ITIH4: variants seen among roughly 807,000 people sequenced by gnomAD.
ITIH4 encodes inter-alpha-trypsin inhibitor heavy chain H4.
A neutral mutation model predicts 111.8 loss-of-function variants in ITIH4; 79 were observed. The ratio of observed to expected loss-of-function variants is 0.71; its 90% CI spans 0.59 to 0.85. The LOEUF is 0.85. Ranked by LOEUF, ITIH4 falls within the 40% of genes least tolerant of loss-of-function variation. The pLI, the probability that ITIH4 is intolerant of heterozygous loss-of-function variation, is 0.00. For missense variants in ITIH4, 1,065 were observed against 1,195.8 expected (o/e 0.89, Z 1.61); for synonymous variants, 472 against 468.3 (o/e 1.01, Z -0.10).
Position 52,822,711 on chromosome 3 carries a change from A to G in ITIH4, c.1539+845T>C, listed in dbSNP as rs118013309. On this transcript the variant is annotated intron_variant, in intron 11 of 23. Coordinates refer to ENST00000266041, the MANE Select transcript of ITIH4 (RefSeq NM_002218.5). ...GGCCACGCAGACCGTACCAACAGTC[A>G]TGACACTTGGGGACTTGTCCTGAAA... Among the ~76,000 whole-genome samples the G allele has an allele frequency of 7.7e-3, 1,178 of 152,308 alleles. 118 individuals carry two copies. The South Asian group carries it at 0.21, about 27-fold the overall frequency.
chr3:52,815,246 C>CTTT (rs59772931), intron 21 of ITIH4, among the ~76,000 whole-genome samples: 2 of 139,120 alleles, frequency 1.4e-5, no homozygotes, highest in Non-Finnish European at 1.5e-5. Flanking sequence ...TTTCTTTTTT[C>CTTT]TTTTTTTTTT....
In ITIH4 at chr3:52,818,462, C is replaced by T; in HGVS notation, c.2152G>A (p.Glu718Lys). The change falls in exon 18 of 24, where the codon GAA becomes AAA. Residue 718 changes from glutamate to lysine, a missense_variant and splice_region_variant. Physicochemically the swap from Glu to Lys is moderately conservative, Grantham distance 56 (BLOSUM62 1). Coordinates refer to ENST00000266041, the MANE Select transcript of ITIH4 (RefSeq NM_002218.5). ...ACAGGGCCTCTGGCCTTGGGGGCAC[C>T]TTCGATTTTCATATTCATGACACGA... is the stretch of plus-strand genomic sequence containing the variant. Reference protein sequence around the residue: ...VSRVMNMKIEETTMTTQTPAP... With the variant: ...VSRVMNMKIEKTTMTTQTPAP... The T allele has an allele frequency of 1.2e-6, 2 of 1,600,176 alleles. No homozygotes were observed. Among genetic ancestry groups the T allele is most frequent in the South Asian group, 2.2e-5 (2 of 89,014 alleles).
chr3:52,827,568 CA>C (rs752377925), intron 2 of ITIH4, among the ~76,000 whole-genome samples: 4 of 152,222 alleles, frequency 2.6e-5, no homozygotes, highest in African/African-American at 4.8e-5. Flanking sequence ...CGGACTGTTC[CA>C]GGGGAACTAG....
At chr3:52,825,080 G>A (rs1335177024) in intron 6 of ITIH4, 122 bp from the exon 7 acceptor site, 1 of 614,506 alleles carries the variant, frequency 1.6e-6, no homozygotes, top group Non-Finnish European at 2.8e-6. Context: ...CCATCCCACT[G>A]CTAACCTCCC....
chr3:52,827,313 T>A (rs1700499607), intron 2 of ITIH4, 116 bp from the exon 3 acceptor site: 1 of 820,726 alleles, frequency 1.2e-6, no homozygotes, highest in Non-Finnish European at 2.1e-6. Flanking sequence ...GTGACTCCCA[T>A]CTTTGCCTGA....
chr3:52,818,251 A>G lies in ITIH4; in HGVS notation c.2179+6T>C. On this transcript the variant is annotated splice_donor_region_variant and intron_variant, in intron 19 of 23. Coordinates refer to ENST00000266041, the MANE Select transcript of ITIH4 (RefSeq NM_002218.5). The stretch of plus-strand genomic sequence containing the variant: ...TGGAAAGGGGCCAAGGGGGCTGGGA[A>G]CTTACCTGGGGTTTGGGTTGTCATG... 1 of 1,583,556 alleles carries G rather than the reference A, an allele frequency of 6.3e-7. No homozygotes were observed. The highest frequency in any genetic ancestry group is 8.6e-7 in the Non-Finnish European group (1 of 1,165,350).
At position 52,820,767 on chromosome 3, in the gene ITIH4, A is replaced by T. The variant is rs751237493; in HGVS notation, c.1698T>A (p.Ala566=). 3 of 1,613,026 alleles carry T rather than the reference A, an allele frequency of 1.9e-6. No individual in the cohort carries two copies. Among genetic ancestry groups the T allele is most frequent in the South Asian group, 2.2e-5 (2 of 90,962 alleles). The part of the protein sequence containing the change: ...LLEQTVSASD[A]DQQALRNQAL... ...CTTGGTTCCGGAGGGCCTGCTGATC[A>T]GCATCGGATGCGGAGACACTGTAGG... Residue 566 remains alanine, a synonymous_variant, in exon 13 of 24, where the codon GCT becomes GCA. Transcript: ENST00000266041.
Position 52,826,587 on chromosome 3 carries a change from G to T in ITIH4, c.584C>A (p.Thr195Asn). The change falls in exon 5 of 24, where the codon ACC becomes AAC. Residue 195 changes from threonine to asparagine, a missense_variant. Thr to Asn is a moderately conservative substitution (Grantham distance 65). Coordinates refer to ENST00000266041, the MANE Select transcript of ITIH4 (RefSeq NM_002218.5). The stretch of plus-strand genomic sequence containing the variant: ...GGTGAGGGCGTCTACCAGCTGGTTG[G>T]TCATGAAGGTGCTCTCTGTCTCCAG... ...SFLETESTFM[T>N]NQLVDALTTW... The T allele has an allele frequency of 6.2e-7, 1 of 1,614,134 alleles. No individual in the cohort carries two copies. The highest frequency in any genetic ancestry group is 8.5e-7 in the Non-Finnish European group (1 of 1,180,022).
At chr3:52,818,664 T>G in intron 17 of ITIH4, 128 bp from the exon 18 acceptor site, 1 of 741,814 alleles carries the variant, frequency 1.3e-6, no homozygotes, top group Non-Finnish European at 2.3e-6. Context: ...GAATGGCCTT[T>G]GTCACAGGAG....
chr3:52,828,296 A>C (rs1015165919), intron 2 of ITIH4, among the ~76,000 whole-genome samples: 1 of 152,188 alleles, frequency 6.6e-6, no homozygotes, highest in Non-Finnish European at 1.5e-5. Context: ...TGGGGCTTGC[A>C]CTGCAAGCTG....
rs771579969 is a variant in ITIH4 at position 52,829,185 on chromosome 3, T to C, written c.185A>G (p.Asn62Ser). 61 of 1,613,740 alleles carry C rather than the reference T, an allele frequency of 3.8e-5. No individual in the cohort carries two copies. The South Asian group carries it at 5.4e-4, about 14-fold the overall frequency. ...CTGGAAGGTGGCCTCCTGCACAGTA[T>C]TGGCCCTATTGACCACTCGGCTGGT... ...VVTSRVVNRA[N>S]TVQEATFQME... The change falls in exon 2 of 24, where the codon AAT becomes AGT. Residue 62 changes from asparagine (N) to serine (S), a missense_variant. Coordinates refer to ENST00000266041, the MANE Select transcript of ITIH4 (RefSeq NM_002218.5).
chr3:52,815,152 G>C (rs577026757), intron 21 of ITIH4, among the ~76,000 whole-genome samples: 1 of 152,042 alleles, frequency 6.6e-6, no homozygotes, highest in East Asian at 1.9e-4. Flanking sequence ...AGACCCTGCT[G>C]TTACTCAGAG....
intron 21 of ITIH4, 100 bp from the exon 22 acceptor site, chr3:52,814,463 G>A: frequency 9.6e-7 from 1 of 1,043,412 alleles, no homozygotes; most frequent in Non-Finnish European, 1.4e-6. Context: ...CTCTTGTCCA[G>A]GAAGTCACGG....
In ITIH4 at chr3:52,824,226, G is replaced by A. The variant is rs139446158; in HGVS notation, c.1135C>T (p.Leu379Phe). The A allele has an allele frequency of 2.7e-5, 44 of 1,613,480 alleles. No homozygotes were observed. The Admixed American group carries it at 7.3e-4, about 27-fold the overall frequency. The change falls in exon 9 of 24, where the codon CTC becomes TTC. Residue 379 changes from leucine (L) to phenylalanine (F), a missense_variant. Coordinates refer to ENST00000266041, the MANE Select transcript of ITIH4 (RefSeq NM_002218.5). The surrounding 1 kb of genome is among the most constrained non-coding windows in gnomAD (Gnocchi z 4.3). ...TCGCCATCGGTGAGCAGGATGATGA[G>A]TGAGACACTCCCTTCGGGCAGCCGC... ...EERLPEGSVS[L>F]IILLTDGDPT...
At chr3:52,827,031 G>A in intron 3 of ITIH4, 62 bp downstream of exon 3, 3 of 1,611,482 alleles carry the variant, frequency 1.9e-6, no homozygotes, top group Non-Finnish European at 2.5e-6. Context: ...AGGACTAAGG[G>A]CCAAAGGCAA....
chr3:52,820,886 T>C (rs917279137), intron 12 of ITIH4, 101 bp from the exon 13 acceptor site: 56 of 1,548,380 alleles, frequency 3.6e-5, no homozygotes, highest in Non-Finnish European at 5.2e-6. Context: ...AATCTGGAGC[T>C]TGGACATGAT....
chr3:52,824,093 AC>A lies in ITIH4; in HGVS notation c.1172-90del, dbSNP rs1700442103. ...ACCTCAGAGCCGAGGGGCCTCAGTGACCCCCTCTCCCTGCCCAGATCCCACA... is the reference window on the plus strand; with the variant it reads ...ACCTCAGAGCCGAGGGGCCTCAGTGACCCCTCTCCCTGCCCAGATCCCACA... On this transcript the variant is annotated intron_variant, in intron 9 of 23. Coordinates refer to ENST00000266041, the MANE Select transcript of ITIH4 (RefSeq NM_002218.5). The surrounding 1 kb of genome is among the most constrained non-coding windows in gnomAD (Gnocchi z 4.3). 1 of 1,562,056 alleles carries A rather than the reference AC, an allele frequency of 6.4e-7. No individual in the cohort carries two copies. The highest frequency in any genetic ancestry group is 1.4e-5 in the African/African-American group (1 of 73,412).
chr3:52,819,323 C>A (rs908707526), intron 17 of ITIH4, 70 bp downstream of exon 17: 152 of 1,589,098 alleles, frequency 9.6e-5, no homozygotes, highest in Non-Finnish European at 1.2e-4. Flanking sequence ...TACCCCACCC[C>A]CCTCTATGGG....
rs144933127 is a variant in ITIH4, at chr3:52,817,033, C to A, written c.2322G>T (p.Glu774Asp). The change falls in exon 21 of 24, where the codon GAG becomes GAT. Residue 774 changes from glutamate to aspartate, a missense_variant. Transcript: ENST00000266041. ...TCCATGAGAACCCAGCCTTCTCCCT[C>A]TCATACTGGCCAGTCACCTCAACCC... is the stretch of plus-strand genomic sequence containing the variant. ...EQGVEVTGQY[E>D]REKAGFSWIE... 64 of 1,613,824 alleles carry A rather than the reference C, an allele frequency of 4.0e-5. No homozygotes were observed. The African/African-American group carries it at 7.2e-4, about 18-fold the overall frequency.
Sources: allele counts gnomAD v4.1 joint callset (sites outside exome capture counted in the v4.1 genomes callset), GRCh38; gene constraint gnomAD v4.1.1; non-coding constraint Gnocchi (gnomAD v3.1); transcripts MANE v1.5; gene names NCBI Gene and HGNC (gene_info 2026-07-23, HGNC 2026-07-21).